NOX4: variants seen among roughly 807,000 people sequenced by gnomAD.
NOX4 encodes NADPH oxidase 4, also known as kidney oxidase-1.
In NOX4, 69 loss-of-function variants were observed where a neutral mutation model predicts 87.6. The observed-to-expected ratio is 0.79, with a 90% CI of 0.65 to 0.96. The LOEUF (loss-of-function observed/expected upper bound fraction) is 0.96. NOX4 is among the 40% of genes least tolerant of loss of function. The pLI is 0.00. For missense variants in NOX4, 680 were observed against 681.5 expected (o/e 1.00, Z 0.02); for synonymous variants, 275 against 238.2 (o/e 1.15, Z -1.42).
At chr11:89,491,753 CACACACACACACAA>C (rs1444166026), upstream of NOX4, among the ~76,000 whole-genome samples, 1,222 of 149,672 alleles carry the variant, frequency 8.2e-3, 15 homozygotes, top group African/African-American at 0.028. Flanking sequence ...CACACACACA[CACACACACACACAA>C]GAAGACACAG....
At chr11:89,589,062 A>T in the NOX4 span, among the ~76,000 whole-genome samples, 22 of 152,202 alleles carry the variant, frequency 1.4e-4, no homozygotes, top group Non-Finnish European at 2.5e-4. Context: ...CTGAAGCCTG[A>T]CTACAGAAAT....
the NOX4 span, among the ~76,000 whole-genome samples, chr11:89,566,876 G>A: frequency 1.3e-5 from 2 of 152,086 alleles, no homozygotes; most frequent in African/African-American, 4.8e-5. Context: ...ACTTACCATG[G>A]ACCTCTAGAG....
intron 8 of NOX4, among the ~76,000 whole-genome samples, chr11:89,410,968 C>T (rs2135224851): frequency 6.6e-6 from 1 of 152,126 alleles, no homozygotes; most frequent in South Asian, 2.1e-4. Flanking sequence ...AGACCTCTTC[C>T]TTCTGCTTGA....
chr11:89,495,803 A>C (rs1362388006), upstream of NOX4, among the ~76,000 whole-genome samples: 1 of 152,198 alleles, frequency 6.6e-6, no homozygotes, highest in East Asian at 1.9e-4. Flanking sequence ...GAATTCAGTA[A>C]GATTTCTTAA....
upstream of NOX4, among the ~76,000 whole-genome samples, chr11:89,502,945 T>C (rs1371985049): frequency 1.3e-5 from 2 of 152,038 alleles, no homozygotes; most frequent in Admixed American, 1.3e-4. Context: ...GTACTATTAA[T>C]TGTAGTTGTC....
intron 17 of NOX4, among the ~76,000 whole-genome samples, chr11:89,333,663 C>T (rs1239878939): frequency 6.6e-6 from 1 of 151,750 alleles, no homozygotes; most frequent in Non-Finnish European, 1.5e-5. Flanking sequence ...CTACTGTTAT[C>T]TCTATATGTT....
At chr11:89,468,677 T>C (rs1025780453) in intron 2 of NOX4, among the ~76,000 whole-genome samples, 7 of 152,150 alleles carry the variant, frequency 4.6e-5, no homozygotes, top group African/African-American at 1.7e-4. Context: ...TTCTATTATA[T>C]TGGTTGTGAA....
intron 11 of NOX4, among the ~76,000 whole-genome samples, chr11:89,398,170 A>G (rs925496197): frequency 8.5e-5 from 13 of 152,094 alleles, no homozygotes; most frequent in Non-Finnish European, 1.9e-4. Context: ...ACATATGCAA[A>G]TCAACAAATG....
the NOX4 span, among the ~76,000 whole-genome samples, chr11:89,507,571 T>C: frequency 6.6e-6 from 1 of 151,790 alleles, no homozygotes; most frequent in African/African-American, 2.4e-5. Flanking sequence ...TGTGTGTATA[T>C]AGGTATATAA....
At chr11:89,514,864 T>C in the NOX4 span, among the ~76,000 whole-genome samples, 1 of 152,030 alleles carries the variant, frequency 6.6e-6, no homozygotes, top group Non-Finnish European at 1.5e-5. Context: ...TCATTTTATA[T>C]GTTCTCTTTT....
chr11:89,424,898 C>T (rs1385480096), intron 7 of NOX4, among the ~76,000 whole-genome samples: 1 of 152,012 alleles, frequency 6.6e-6, no homozygotes, highest in Non-Finnish European at 1.5e-5. Context: ...TATCTGTCTC[C>T]ATGATTCATT....
intron 2 of NOX4, among the ~76,000 whole-genome samples, chr11:89,486,468 G>A (rs1946604459): frequency 6.8e-6 from 1 of 146,696 alleles, no homozygotes; most frequent in Non-Finnish European, 1.5e-5. Context: ...TAATATATGT[G>A]TGTGTGTGTG....
At chr11:89,368,791 C>A (rs918604609) in intron 12 of NOX4, among the ~76,000 whole-genome samples, 1 of 152,056 alleles carries the variant, frequency 6.6e-6, no homozygotes, top group African/African-American at 2.4e-5. Context: ...GGGAAGCTAT[C>A]AGACATGACT....
chr11:89,374,443 G>C (rs1245545400), intron 11 of NOX4, among the ~76,000 whole-genome samples: 1 of 152,168 alleles, frequency 6.6e-6, no homozygotes, highest in Non-Finnish European at 1.5e-5. Flanking sequence ...AGGGCTATGG[G>C]TAAGGGACCA....
chr11:89,438,852 A>T (rs1339189451), intron 6 of NOX4, among the ~76,000 whole-genome samples: 504 of 45,404 alleles, frequency 0.011, 16 homozygotes, highest in Non-Finnish European at 0.013. Context: ...TATATTATAT[A>T]ATATATTATA....
At chr11:89,413,219 A>C (rs1942577486) in intron 8 of NOX4, among the ~76,000 whole-genome samples, 1 of 152,160 alleles carries the variant, frequency 6.6e-6, no homozygotes, top group South Asian at 2.1e-4. Flanking sequence ...CCTCATATAC[A>C]CTGTTGGTGG....
intron 2 of NOX4, among the ~76,000 whole-genome samples, chr11:89,453,068 A>G (rs1375887066): frequency 6.6e-6 from 1 of 152,168 alleles, no homozygotes; most frequent in Non-Finnish European, 1.5e-5. Flanking sequence ...TAAAATTAAA[A>G]TACACTCTTA....
intron 2 of NOX4, among the ~76,000 whole-genome samples, chr11:89,459,461 A>C (rs1945352385): frequency 6.6e-6 from 1 of 152,008 alleles, no homozygotes; most frequent in African/African-American, 2.4e-5. Context: ...CTTTAAAAAA[A>C]ACTCAGGATA....
At chr11:89,395,360 T>C (rs1941405489) in intron 11 of NOX4, among the ~76,000 whole-genome samples, 1 of 152,220 alleles carries the variant, frequency 6.6e-6, no homozygotes, top group Admixed American at 6.5e-5. Flanking sequence ...GTTTGCTTTT[T>C]TCTTGTAAAT....
Sources: gnomAD v4.1 joint callset for allele counts (sites outside exome capture counted in the v4.1 genomes callset) on GRCh38, gnomAD v4.1.1 for gene constraint, MANE v1.5 for transcripts, NCBI Gene and HGNC (gene_info 2026-07-23, HGNC 2026-07-21) for gene names.